The following DIS3L2 variants were observed in gnomAD, a reference collection of about 807,000 sequenced individuals.
DIS3L2 encodes the protein DIS3 like 3'-5' exoribonuclease 2.
Under a neutral mutation model 97.5 loss-of-function variants are expected in DIS3L2, and 34 were observed. The ratio of observed to expected loss-of-function variants is 0.35; its 90% CI spans 0.27 to 0.46. DIS3L2 has a LOEUF of 0.46. DIS3L2 is among the 20% of genes least tolerant of loss of function. The pLI is 1.00. For synonymous variants in DIS3L2, 435 were observed against 445.2 expected, an observed-to-expected ratio of 0.98 and a Z score of 0.29; for missense variants, 1,038 against 1,146.0, an observed-to-expected ratio of 0.91 and a Z score of 1.36.
intron 14 of DIS3L2, chr2:232,329,530 G>C (rs1392097943): frequency 5.3e-6 from 2 of 380,364 alleles, no homozygotes; most frequent in Non-Finnish European, 9.3e-6. Context: ...TTTAATAGAT[G>C]GGTGCTTCCC....
chr2:232,210,533 G>T, intron 10 of DIS3L2, 128 bp downstream of exon 10: 1 of 777,182 alleles, frequency 1.3e-6, no homozygotes. Context: ...GCCTGAACTT[G>T]CCATAGGCCT....
chr2:231,964,202 G>C (rs1297191705), intron 1 of DIS3L2, among the ~76,000 whole-genome samples: 1 of 152,108 alleles, frequency 6.6e-6, no homozygotes, highest in African/African-American at 2.4e-5. Context: ...CTTTATTTCT[G>C]AGTTTTCTGT....
chr2:232,320,184 G>A (rs1161294017), intron 14 of DIS3L2, among the ~76,000 whole-genome samples: 2 of 152,134 alleles, frequency 1.3e-5, no homozygotes, highest in Admixed American at 1.3e-4. Context: ...TGTTCTGGGG[G>A]GGGTGGGGGA....
At chr2:232,011,259 G>A (rs936156714) in intron 1 of DIS3L2, among the ~76,000 whole-genome samples, 1 of 152,178 alleles carries the variant, frequency 6.6e-6, no homozygotes, top group Non-Finnish European at 1.5e-5. Flanking sequence ...TGCTTTCAAT[G>A]TGTCAGGGTA....
intron 5 of DIS3L2, among the ~76,000 whole-genome samples, chr2:232,050,714 C>T (rs530740405): frequency 6.6e-6 from 1 of 152,198 alleles, no homozygotes; most frequent in South Asian, 2.1e-4. Flanking sequence ...TTTGTTTATT[C>T]GACATTTTTT....
At chr2:232,128,843 T>G (rs1424712297) in intron 6 of DIS3L2, among the ~76,000 whole-genome samples, 1 of 152,234 alleles carries the variant, frequency 6.6e-6, no homozygotes, top group Non-Finnish European at 1.5e-5. Context: ...TGTGTTTCTT[T>G]ATATCCATTG....
At chr2:232,270,921 GTCTCTCTC>G (rs149683438) in intron 13 of DIS3L2, among the ~76,000 whole-genome samples, 1 of 62,572 alleles carries the variant, frequency 1.6e-5, no homozygotes, top group Non-Finnish European at 3.4e-5. Flanking sequence ...TCTCTGTCTC[GTCTCTCTC>G]TCTCTCTCTC....
At chr2:232,027,947 C>A (rs1694705368) in intron 4 of DIS3L2, among the ~76,000 whole-genome samples, 1 of 152,106 alleles carries the variant, frequency 6.6e-6, no homozygotes, top group Non-Finnish European at 1.5e-5. Flanking sequence ...GATGGAAAAA[C>A]CTGTCATTTT....
chr2:232,257,022 G>A (rs763037311), intron 12 of DIS3L2, among the ~76,000 whole-genome samples: 1 of 152,196 alleles, frequency 6.6e-6, no homozygotes, highest in Non-Finnish European at 1.5e-5. Flanking sequence ...GGAGGCTGAG[G>A]CAGGAGAATT....
intron 9 of DIS3L2, among the ~76,000 whole-genome samples, chr2:232,166,758 C>T (rs888995409): frequency 2.0e-5 from 3 of 152,020 alleles, no homozygotes; most frequent in Admixed American, 6.6e-5. Flanking sequence ...CGGTGGCTCA[C>T]ACCTATAATC....
At chr2:232,115,556 CTG>C (rs928367512) in intron 6 of DIS3L2, among the ~76,000 whole-genome samples, 6 of 152,164 alleles carry the variant, frequency 3.9e-5, no homozygotes, top group African/African-American at 1.4e-4. Context: ...TGGTTTGGCT[CTG>C]TGTTCCCACC....
rs374886454 is a variant in DIS3L2, at chr2:232,210,405, G to A, written c.1204G>A (p.Gly402Ser). 45 of 1,612,756 alleles carry A rather than the reference G, an allele frequency of 2.8e-5. No homozygotes were observed. The highest frequency in any genetic ancestry group is 3.4e-5 in the Non-Finnish European group (40 of 1,179,088). ...DALSCKPLADGNFKVGVHIAD... is the reference protein window; with the variant it reads ...DALSCKPLADSNFKVGVHIAD... ...CCTCTCCTGCAAGCCACTCGCTGAC[G>A]GTAGGATGGAAATTTCTATAGCATC... Residue 402 changes from glycine to serine, a missense_variant and splice_region_variant, in exon 10 of 21, where the codon GGC becomes AGC. Around this residue, in one of 3 missense-constraint regions of DIS3L2, gnomAD observed 813 missense variants for 880.1 expected, o/e 0.92. Transcript: ENST00000325385.
intron 6 of DIS3L2, among the ~76,000 whole-genome samples, chr2:232,118,863 T>TGAGA (rs1363766122): frequency 6.6e-6 from 1 of 152,236 alleles, no homozygotes; most frequent in Non-Finnish European, 1.5e-5. Flanking sequence ...TAGCTGTTTC[T>TGAGA]GAGTAGTGCA....
chr2:232,166,529 A>G (rs887495564), intron 9 of DIS3L2, among the ~76,000 whole-genome samples: 1 of 152,210 alleles, frequency 6.6e-6, no homozygotes, highest in Admixed American at 6.5e-5. Flanking sequence ...CATCCTGGCC[A>G]ACATGGTGAA....
At chr2:231,969,508 A>G (rs1692831517) in intron 1 of DIS3L2, among the ~76,000 whole-genome samples, 1 of 151,942 alleles carries the variant, frequency 6.6e-6, no homozygotes, top group Admixed American at 6.6e-5. Flanking sequence ...ACGGGGTTTC[A>G]CCATGTTGGC....
intron 6 of DIS3L2, among the ~76,000 whole-genome samples, chr2:232,128,451 A>ATTT (rs10682281): frequency 0.025 from 1,828 of 71,720 alleles, 270 homozygotes; most frequent in East Asian, 0.23. Flanking sequence ...AACTTTGCTA[A>ATTT]TTTTTTTTTT....
Position 232,052,712 on chromosome 2 carries a change from A to C in DIS3L2, c.366+22632A>C, listed in dbSNP as rs16828593. On this transcript the variant is annotated intron_variant, in intron 5 of 20. Transcript: ENST00000325385. ...TCCTCTTTCCCCTACTCATCTTTCT[A>C]GACTGGTTTCACAGGTTGTTGCCTC... 2.1e-3 allele frequency among the ~76,000 whole-genome samples: 317 copies of C among 152,250 alleles called. 2 individuals carry two copies. Among genetic ancestry groups the C allele is most frequent in the African/African-American group, 7.1e-3 (293 of 41,554 alleles).
At chr2:232,335,688 C>G in intron 19 of DIS3L2, 85 bp from the exon 20 acceptor site, 1 of 1,458,236 alleles carries the variant, frequency 6.9e-7, no homozygotes, top group Non-Finnish European at 9.3e-7. Context: ...CTGAGGGCCG[C>G]CTCCAAGCAT....
At chr2:232,002,943 T>G (rs1693950953) in intron 1 of DIS3L2, among the ~76,000 whole-genome samples, 1 of 152,188 alleles carries the variant, frequency 6.6e-6, no homozygotes, top group Non-Finnish European at 1.5e-5. Flanking sequence ...CAGGAGTTGG[T>G]CAAAGTAGAA....
Sources: gnomAD v4.1 joint callset for allele counts (sites outside exome capture counted in the v4.1 genomes callset) on GRCh38, gnomAD v4.1.1 for gene constraint, gnomAD v4.1.1 regional missense constraint, MANE v1.5 for transcripts, NCBI Gene and HGNC (gene_info 2026-07-23, HGNC 2026-07-21) for gene names.